EYS: variants seen among roughly 807,000 people sequenced by gnomAD.
EYS encodes EGF-like photoreceptor maintenance factor.
EYS carries 250 observed loss-of-function variants against 282.1 expected under a neutral mutation model. The ratio of observed to expected loss-of-function variants is 0.89; its 90% CI spans 0.80 to 0.98. The LOEUF is 0.98. Ranked by LOEUF, EYS falls within the 50% of genes least tolerant of loss-of-function variation. EYS has a pLI of 0.00. For synonymous variants in EYS, 1,355 were observed against 1,282.9 expected (o/e 1.06, Z -1.20); for missense variants, 4,016 against 3,709.0 (o/e 1.08, Z -2.15).
At chr6:64,328,398 C>G (rs980901319) in intron 29 of EYS, among the ~76,000 whole-genome samples, 2 of 152,066 alleles carry the variant, frequency 1.3e-5, no homozygotes, top group African/African-American at 4.8e-5. Flanking sequence ...GCAGTGGTAT[C>G]GAGAGGCACT....
intron 26 of EYS, among the ~76,000 whole-genome samples, chr6:64,541,707 A>G (rs550435316): frequency 1.3e-5 from 2 of 152,248 alleles, no homozygotes; most frequent in East Asian, 3.9e-4. Flanking sequence ...CATTTCTGCT[A>G]TTTATTACCA....
intron 13 of EYS, among the ~76,000 whole-genome samples, chr6:65,027,787 T>C (rs1772465738): frequency 6.6e-6 from 1 of 152,184 alleles, no homozygotes; most frequent in Non-Finnish European, 1.5e-5. Flanking sequence ...CCAGAAGTTA[T>C]CTGTTCATCT....
intron 31 of EYS, among the ~76,000 whole-genome samples, chr6:64,224,792 G>GA (rs890228726): frequency 1.3e-5 from 2 of 150,818 alleles, no homozygotes; most frequent in Admixed American, 6.6e-5. Context: ...AATCCAGGGA[G>GA]AAAAAAAATG....
intron 12 of EYS, among the ~76,000 whole-genome samples, chr6:65,262,540 C>T (rs1465911647): frequency 2.6e-5 from 4 of 151,848 alleles, no homozygotes; most frequent in African/African-American, 9.7e-5. Flanking sequence ...TTTTTGCATT[C>T]CCATAAGTCT....
rs1270431672 is a variant in EYS, at chr6:64,490,068, A to C, written c.5645-50716T>G. ...ATGATTAGAATGTTTATTCATTTAA[A>C]AAACTCTGTCTCTCTATAGCATGAA... On this transcript the variant is annotated intron_variant, in intron 26 of 42. Transcript: ENST00000503581. Among the ~76,000 whole-genome samples the C allele has an allele frequency of 4.0e-5, 6 of 150,928 alleles. No individual in the cohort carries two copies. The Admixed American group carries it at 4.0e-4, about 10-fold the overall frequency.
At chr6:63,993,715 C>T (rs777821142) in intron 34 of EYS, among the ~76,000 whole-genome samples, 16 of 151,784 alleles carry the variant, frequency 1.1e-4, no homozygotes, top group Non-Finnish European at 1.9e-4. Flanking sequence ...AATAAAATGT[C>T]CATACTATCC....
At position 64,232,343 on chromosome 6, in the gene EYS, C is replaced by CT. The variant is rs201319130; in HGVS notation, c.6192-1520dup. Among the ~76,000 whole-genome samples the CT allele has an allele frequency of 7.0e-4, 50 of 71,024 alleles. No homozygotes were observed. The East Asian group carries it at 9.6e-3, about 14-fold the overall frequency. The allele number at this position is 71,024 out of a possible 152,430, so 46.6% of individuals were successfully genotyped here. A position where few individuals can be genotyped will look rare whatever the true frequency, so the allele number is the denominator to read the frequency against. ...AAATATTGTATAAATAATTTTGAAT[C>CT]TTTTTTTTTGTAAATATGCAATGTA... On this transcript the variant is annotated intron_variant, in intron 30 of 42. Coordinates refer to ENST00000503581, the MANE Select transcript of EYS (RefSeq NM_001142800.2).
chr6:64,361,855 T>A (rs762622723), intron 29 of EYS, among the ~76,000 whole-genome samples: 1 of 151,848 alleles, frequency 6.6e-6, no homozygotes, highest in Non-Finnish European at 1.5e-5. Flanking sequence ...GTTGGATGTG[T>A]ACATGGAAAT....
chr6:65,415,619 A>G (rs764606678), intron 5 of EYS, among the ~76,000 whole-genome samples: 1 of 152,128 alleles, frequency 6.6e-6, no homozygotes, highest in Non-Finnish European at 1.5e-5. Context: ...AGACATCAAT[A>G]TAACAGGAGA....
intron 36 of EYS, among the ~76,000 whole-genome samples, chr6:63,846,220 C>G (rs1451018306): frequency 6.6e-6 from 1 of 152,148 alleles, no homozygotes; most frequent in Non-Finnish European, 1.5e-5. Flanking sequence ...AGAAACAACC[C>G]TGACGTGTAT....
intron 40 of EYS, among the ~76,000 whole-genome samples, chr6:63,768,203 A>T (rs1242552515): frequency 6.6e-6 from 1 of 152,112 alleles, no homozygotes; most frequent in South Asian, 2.1e-4. Flanking sequence ...AGCAATTTCC[A>T]TAAAAACAAA....
At chr6:65,042,666 G>A (rs1480174631) in intron 13 of EYS, among the ~76,000 whole-genome samples, 2 of 151,156 alleles carry the variant, frequency 1.3e-5, no homozygotes, top group Non-Finnish European at 3.0e-5. Flanking sequence ...CCACCATTCA[G>A]CATTATAACA....
intron 31 of EYS, among the ~76,000 whole-genome samples, chr6:64,208,616 A>C (rs1201035621): frequency 6.6e-6 from 1 of 152,154 alleles, no homozygotes; most frequent in East Asian, 1.9e-4. Flanking sequence ...AAAATGTATA[A>C]AATGTAAATA....
chr6:64,293,078 C>G (rs377349483), intron 30 of EYS, among the ~76,000 whole-genome samples: 1 of 151,824 alleles, frequency 6.6e-6, no homozygotes, highest in East Asian at 1.9e-4. Flanking sequence ...GAGACTATAA[C>G]AAAAACTATG....
chr6:64,219,245 G>C (rs921398273), intron 31 of EYS, among the ~76,000 whole-genome samples: 1 of 152,156 alleles, frequency 6.6e-6, no homozygotes, highest in Non-Finnish European at 1.5e-5. Flanking sequence ...GGTGTGGACA[G>C]TTTCAAATTG....
chr6:65,587,872 T>A lies in EYS; in HGVS notation c.-333+51906A>T, dbSNP rs186933613. Among the ~76,000 whole-genome samples the A allele has an allele frequency of 5.9e-4, 90 of 152,232 alleles. 1 individual carries two copies. Among genetic ancestry groups the A allele is most frequent in the African/African-American group, 2.0e-3 (83 of 41,574 alleles). On this transcript the variant is annotated intron_variant, in intron 2 of 42. Transcript: ENST00000503581. The stretch of plus-strand genomic sequence containing the variant: ...TTATTATAGTTGTAGTTTCATAAAT[T>A]AAAAGATGTGGATGAAGTTCCAAGA...
At chr6:64,458,507 A>G (rs1039373326) in intron 26 of EYS, among the ~76,000 whole-genome samples, 2 of 151,880 alleles carry the variant, frequency 1.3e-5, no homozygotes, top group East Asian at 1.9e-4. Flanking sequence ...TCATTCCACA[A>G]TCTCCTGGCA....
chr6:64,921,314 T>C (rs1338007403), intron 15 of EYS, among the ~76,000 whole-genome samples: 1 of 152,180 alleles, frequency 6.6e-6, no homozygotes, highest in Non-Finnish European at 1.5e-5. Flanking sequence ...CCCATTATTT[T>C]ATTAAAATTT....
chr6:65,055,823 G>T (rs979694488), intron 13 of EYS, among the ~76,000 whole-genome samples: 1 of 151,936 alleles, frequency 6.6e-6, no homozygotes, highest in Non-Finnish European at 1.5e-5. Context: ...TTATTAACAC[G>T]GCTGTGTATG....
Sources: gnomAD v4.1 joint callset for allele counts (sites outside exome capture counted in the v4.1 genomes callset) on GRCh38, gnomAD v4.1.1 for gene constraint, MANE v1.5 for transcripts, NCBI Gene and HGNC (gene_info 2026-07-23, HGNC 2026-07-21) for gene names.